The following CTRC variants were observed in gnomAD, a reference collection of about 807,000 sequenced individuals.
CTRC encodes the protein chymotrypsin-C.
A neutral mutation model predicts 35.7 loss-of-function variants in CTRC; 32 were observed. The observed-to-expected ratio is 0.90, with a 90% CI of 0.68 to 1.20. The LOEUF (loss-of-function observed/expected upper bound fraction) is 1.20. Among genes scored for constraint, CTRC ranks in the 50% most tolerant of loss-of-function variants. The pLI is 0.00. For synonymous variants in CTRC, 119 were observed against 149.5 expected (o/e 0.80, Z 1.49); for missense variants, 324 against 361.5 (o/e 0.90, Z 0.84).
In CTRC at chr1:15,446,690, C is replaced by T. The variant is rs748242046; in HGVS notation, c.*101C>T. The T allele has an allele frequency of 1.5e-6, 2 of 1,374,070 alleles. No homozygotes were observed. Among genetic ancestry groups the T allele is most frequent in the South Asian group, 2.3e-5 (2 of 86,058 alleles). 85.1% of individuals were successfully genotyped at this position (1,374,070 alleles called of 1,614,324 possible). On this transcript the variant is annotated 3_prime_UTR_variant, in exon 8 of 8. Transcript: ENST00000375949. ...TGATTTGTGCAGCTTCTGTTGCTTCCCTCCTCTCTGGTGCTGCCCCTTTCC... is the reference window on the plus strand; with the variant it reads ...TGATTTGTGCAGCTTCTGTTGCTTCTCTCCTCTCTGGTGCTGCCCCTTTCC...
At chr1:15,444,861 C>A in intron 6 of CTRC, 110 bp downstream of exon 6, 1 of 1,422,842 alleles carries the variant, frequency 7.0e-7, no homozygotes, top group Non-Finnish European at 9.8e-7. Flanking sequence ...CTGAGCGAGC[C>A]CTGGCTGGGC....
At chr1:15,439,288 T>C (rs1356890439) in intron 1 of CTRC, among the ~76,000 whole-genome samples, 1 of 151,906 alleles carries the variant, frequency 6.6e-6, no homozygotes, top group Non-Finnish European at 1.5e-5. Flanking sequence ...TAGCCAGGCG[T>C]GGTGGCGGGC....
chr1:15,440,575 C>T lies in CTRC; in HGVS notation c.215C>T (p.Ala72Val). 6.2e-7 allele frequency: 1 copy of T among 1,614,116 alleles called. No homozygotes were observed. The highest frequency in any genetic ancestry group is 8.5e-7 in the Non-Finnish European group (1 of 1,180,000). The change falls in exon 3 of 8, where the codon GCC becomes GTC. Residue 72 changes from alanine (A) to valine (V), a missense_variant. By Grantham distance (64) the Ala-to-Val change is moderately conservative (BLOSUM62 0). Coordinates refer to ENST00000375949, the MANE Select transcript of CTRC (RefSeq NM_007272.3). ...ATTGCTAGCAACTTCGTCCTCACTG[C>T]CGCCCACTGCATCAGGTGTGCGGGG... Reference protein sequence around the residue: ...TLIASNFVLTAAHCISNTRTY... With the variant: ...TLIASNFVLTVAHCISNTRTY...
In CTRC at chr1:15,440,677, T is replaced by G. The variant is rs979580964; in HGVS notation, c.230+87T>G. ...CTTTTTCTGAGCAGCTTCTCCGCAC[T>G]CCAGGCACTGGGCTACATAATCTAC... is the stretch of plus-strand genomic sequence containing the variant. On this transcript the variant is annotated intron_variant, in intron 3 of 7. Coordinates refer to ENST00000375949, the MANE Select transcript of CTRC (RefSeq NM_007272.3). The G allele has an allele frequency of 2.6e-5, 30 of 1,168,924 alleles. No individual in the cohort carries two copies. In the Admixed American group the frequency reaches 5.9e-4, roughly 23 times the overall value. The allele number at this position is 1,168,924 out of a possible 1,614,324, so 72.4% of individuals were successfully genotyped here.
At chr1:15,445,552 T>TC in intron 6 of CTRC, 45 bp from the exon 7 acceptor site, 2 of 1,603,376 alleles carry the variant, frequency 1.2e-6, no homozygotes, top group Non-Finnish European at 1.7e-6. Context: ...CAAGACTTCC[T>TC]CTGGGGGGGG....
At position 15,444,626 on chromosome 1, in the gene CTRC, A is replaced by G. The variant is rs34949635; in HGVS notation, c.514A>G (p.Lys172Glu). ...RLWTNGPIAD[K>E]LQQGLQPVVD... is the part of the protein sequence containing the mutation. ...CCCAGCCAACGGCCCCATTGCTGAT[A>G]AGCTGCAGCAGGGCCTGCAGCCCGT... Residue 172 changes from lysine to glutamate, a missense_variant, in exon 6 of 8, where the codon AAG becomes GAG. By Grantham distance (56) the Lys-to-Glu change is moderately conservative. Coordinates refer to ENST00000375949, the MANE Select transcript of CTRC (RefSeq NM_007272.3). The G allele has an allele frequency of 5.2e-3, 8,319 of 1,614,088 alleles. 372 individuals carry two copies. In the African/African-American group the frequency reaches 0.092, roughly 18 times the overall value.
Position 15,442,375 on chromosome 1 carries a change from G to A in CTRC, c.231-72G>A, listed in dbSNP as rs539058590. On this transcript the variant is annotated intron_variant, in intron 3 of 7. Transcript: ENST00000375949. The stretch of plus-strand genomic sequence containing the variant: ...CCAAAATGAGTCCCACTAAAGCCCC[G>A]AGCTCCCTCTCTATCCCACTGGCTG... 1.5e-4 allele frequency: 228 copies of A among 1,549,934 alleles called. No individual in the cohort carries two copies. In the African/African-American group the frequency reaches 2.5e-3, roughly 17 times the overall value.
Position 15,446,827 on chromosome 1 carries a change from AT to A in CTRC, c.*240del. On this transcript the variant is annotated 3_prime_UTR_variant, in exon 8 of 8. Coordinates refer to ENST00000375949, the MANE Select transcript of CTRC (RefSeq NM_007272.3). ...GGCCAAGGAAGGAGCCTCCTGGGGC[AT>A]TAATGGGAGGCAGGGGGCTGGGGTG... 1.6e-6 allele frequency: 1 copy of A among 618,080 alleles called. No homozygotes were observed. The highest frequency in any genetic ancestry group is 1.8e-5 in the South Asian group (1 of 54,840). The allele number at this position is 618,080 out of a possible 1,614,324, so 38.3% of individuals were successfully genotyped here. A position where few individuals can be genotyped will look rare whatever the true frequency, so the allele number is the denominator to read the frequency against.
intron 4 of CTRC, 23 bp from the exon 5 acceptor site, chr1:15,443,396 A>AC (rs1708164838): frequency 1.2e-6 from 2 of 1,613,894 alleles, no homozygotes; most frequent in East Asian, 4.5e-5. Context: ...CTGCCCACTC[A>AC]CCCTCTCCAC....
At position 15,444,611 on chromosome 1, in the gene CTRC, G is replaced by A. The variant is rs141205711; in HGVS notation, c.499G>A (p.Gly167Ser). The A allele has an allele frequency of 2.7e-5, 44 of 1,614,054 alleles. No individual in the cohort carries two copies. Among genetic ancestry groups the A allele is most frequent in the East Asian group, 1.1e-4 (5 of 44,890 alleles). The part of the protein sequence containing the change: ...VTGWGRLWTN[G>S]PIADKLQQGL... ...ACTGCTCACTCTCTCCCCAGCCAAC[G>A]GCCCCATTGCTGATAAGCTGCAGCA... Residue 167 changes from glycine to serine, a missense_variant, in exon 6 of 8, where the codon GGC becomes AGC. Gly to Ser is a moderately conservative substitution (Grantham distance 56, BLOSUM62 0). Transcript: ENST00000375949.
rs1708244628 is a variant in CTRC, at chr1:15,447,933, A to T, written c.*1344A>T. On this transcript the variant is annotated 3_prime_UTR_variant, in exon 8 of 8. Transcript: ENST00000375949. The stretch of plus-strand genomic sequence containing the variant: ...GGGGTACCCCAGCTGTGCAGGAGAC[A>T]GACCAGTAAATAGATCATTAAATTC... 6.6e-6 allele frequency: 1 copy of T among 152,268 alleles called. No homozygotes were observed. Among genetic ancestry groups the T allele is most frequent in the Non-Finnish European group, 1.5e-5 (1 of 68,078 alleles). The allele number at this position is 152,268 out of a possible 1,614,324, so 9.4% of individuals were successfully genotyped here.
chr1:15,444,782 A>T, intron 6 of CTRC, 31 bp downstream of exon 6: 1 of 1,613,890 alleles, frequency 6.2e-7, no homozygotes, highest in African/African-American at 1.3e-5. Flanking sequence ...CCTTGTCCCT[A>T]CTCCAAGTGG....
At chr1:15,446,446 CA>C in intron 7 of CTRC, 128 bp from the exon 8 acceptor site, 1 of 903,584 alleles carries the variant, frequency 1.1e-6, no homozygotes, top group Non-Finnish European at 1.9e-6. Context: ...TGAACAGGGA[CA>C]AGGCTGGCAT....
intron 6 of CTRC, among the ~76,000 whole-genome samples, chr1:15,445,116 G>T (rs1007376247): frequency 6.6e-6 from 1 of 151,554 alleles, no homozygotes; most frequent in African/African-American, 2.4e-5. Flanking sequence ...CTCTACACAT[G>T]TTCCTCCATG....
chr1:15,446,450 G>C (rs1483159874), intron 7 of CTRC, 125 bp from the exon 8 acceptor site: 1 of 927,020 alleles, frequency 1.1e-6, no homozygotes, highest in Non-Finnish European at 1.8e-6. Flanking sequence ...CAGGGACAAG[G>C]CTGGCATGTG....
intron 1 of CTRC, among the ~76,000 whole-genome samples, chr1:15,439,979 C>A (rs1385602446): frequency 6.6e-6 from 1 of 152,118 alleles, no homozygotes; most frequent in Non-Finnish European, 1.5e-5. Context: ...TGATCTCAAG[C>A]GATCCACCCG....
chr1:15,446,359 G>C (rs1037171511), intron 7 of CTRC, among the ~76,000 whole-genome samples: 2 of 152,232 alleles, frequency 1.3e-5, no homozygotes, highest in African/African-American at 2.4e-5. Context: ...TGGGCTGGGG[G>C]CTTCCCCATT....
rs1338981969 is a variant in CTRC at position 15,448,085 on chromosome 1, A to C, written c.*1496A>C. Reference sequence around the variant, plus strand: ...GGTGATGATGCCCAAGCTTGGTCTTAAAATTTGACTAGAAGGTACCCAAGT... The same window carrying C: ...GGTGATGATGCCCAAGCTTGGTCTTCAAATTTGACTAGAAGGTACCCAAGT... On this transcript the variant is annotated 3_prime_UTR_variant, in exon 8 of 8. Coordinates refer to ENST00000375949, the MANE Select transcript of CTRC (RefSeq NM_007272.3). 1 of 152,180 alleles carries C rather than the reference A, an allele frequency of 6.6e-6. No individual in the cohort carries two copies. Among genetic ancestry groups the C allele is most frequent in the Non-Finnish European group, 1.5e-5 (1 of 68,034 alleles). The allele number at this position is 152,180 out of a possible 1,614,324, so 9.4% of individuals were successfully genotyped here. A position where few individuals can be genotyped will look rare whatever the true frequency, so the allele number is the denominator to read the frequency against.
rs113087202 is a variant in CTRC, at chr1:15,444,667, G to A, written c.555G>A (p.Thr185=). ...TGCAGCCCGTGGTGGATCACGCCAC[G>A]TGCTCCAGGATTGACTGGTGGGGCT... ...QGLQPVVDHA[T]CSRIDWWGFR... Residue 185 remains threonine (T), a synonymous_variant, in exon 6 of 8, where the codon ACG becomes ACA. Coordinates refer to ENST00000375949, the MANE Select transcript of CTRC (RefSeq NM_007272.3). 264 of 1,614,224 alleles carry A rather than the reference G, an allele frequency of 1.6e-4. 1 individual carries two copies. The African/African-American group carries it at 3.0e-3, about 18-fold the overall frequency.
Sources: gnomAD v4.1 joint callset for allele counts (sites outside exome capture counted in the v4.1 genomes callset) on GRCh38, gnomAD v4.1.1 for gene constraint, MANE v1.5 for transcripts, NCBI Gene and HGNC (gene_info 2026-07-23, HGNC 2026-07-21) for gene names.